The following A1CF variants were observed in gnomAD, a reference collection of about 807,000 sequenced individuals.
A1CF encodes APOBEC1 complementation factor.
A1CF carries 48 observed loss-of-function variants against 68.9 expected under a neutral mutation model. That is an observed-to-expected ratio of 0.70 (90% confidence interval 0.55 to 0.89). The LOEUF is 0.89. A1CF is among the 40% of genes least tolerant of loss of function. A1CF has a pLI of 0.00. For missense variants in A1CF, 653 were observed against 718.9 expected, an observed-to-expected ratio of 0.91 and a Z score of 1.05; for synonymous variants, 272 against 260.4, an observed-to-expected ratio of 1.04 and a Z score of -0.43.
Position 50,876,598 on chromosome 10 carries a change from G to A in A1CF, c.-94+8983C>T, listed in dbSNP as rs187771826. On this transcript the variant is annotated intron_variant, in intron 1 of 12. Transcript: ENST00000373997. ...GGGACATTGGCCTTTCCTGATCTTC[G>A]GACTTGAAATATTGGCTCTTCTTGC... Among the ~76,000 whole-genome samples the A allele has an allele frequency of 9.2e-5, 14 of 152,242 alleles. No homozygotes were observed. The East Asian group carries it at 2.7e-3, about 29-fold the overall frequency.
At chr10:50,876,539 G>T (rs1159026026) in intron 1 of A1CF, among the ~76,000 whole-genome samples, 1 of 152,218 alleles carries the variant, frequency 6.6e-6, no homozygotes, top group African/African-American at 2.4e-5. Context: ...CATAAAAGCT[G>T]AGTAAGAGGG....
chr10:50,876,870 G>A (rs916592274), intron 1 of A1CF, among the ~76,000 whole-genome samples: 1 of 152,084 alleles, frequency 6.6e-6, no homozygotes, highest in Non-Finnish European at 1.5e-5. Context: ...TTTGTTTTAT[G>A]CATTTATAAA....
intron 1 of A1CF, among the ~76,000 whole-genome samples, chr10:50,869,484 T>C (rs1255580090): frequency 6.6e-6 from 1 of 152,164 alleles, no homozygotes; most frequent in African/African-American, 2.4e-5. Flanking sequence ...TACTAATGGA[T>C]CCAGTTATTT....
intron 3 of A1CF, among the ~76,000 whole-genome samples, chr10:50,851,721 G>T (rs1293237625): frequency 6.6e-6 from 1 of 152,204 alleles, no homozygotes; most frequent in Admixed American, 6.5e-5. Flanking sequence ...TCACCTGGAA[G>T]CCTGAGAGAG....
chr10:50,842,451 A>G (rs1233856671), intron 4 of A1CF, among the ~76,000 whole-genome samples: 3 of 152,222 alleles, frequency 2.0e-5, no homozygotes, highest in Non-Finnish European at 2.9e-5. Context: ...AGTCTACAAA[A>G]AATACAAAAA....
At chr10:50,834,394 C>T (rs988693692) in intron 6 of A1CF, among the ~76,000 whole-genome samples, 16 of 152,058 alleles carry the variant, frequency 1.1e-4, no homozygotes, top group African/African-American at 2.7e-4. Context: ...TCACAAGTGA[C>T]GGAGGGGCAG....
In A1CF at chr10:50,878,297, A is replaced by G. The variant is rs1841610597; in HGVS notation, c.-94+7284T>C. Among the ~76,000 whole-genome samples, 3 of 152,218 alleles carry G rather than the reference A, an allele frequency of 2.0e-5. No individual in the cohort carries two copies. In the South Asian group the frequency reaches 6.2e-4, roughly 31 times the overall value. ...GCCTCTTTCTCATCTATTTTCCTCT[A>G]GTAAAGCATTTTGTAATCAACACAG... On this transcript the variant is annotated intron_variant, in intron 1 of 12. Transcript: ENST00000373997.
rs1185223417 is a variant in A1CF, at chr10:50,805,642, A to G, written c.*1087T>C. ...CTGATACTTACTGAAACAAAAAGGAAGGAAAGTTAGAGGATTTCCTGGCAG... is the reference window on the plus strand; with the variant it reads ...CTGATACTTACTGAAACAAAAAGGAGGGAAAGTTAGAGGATTTCCTGGCAG... On this transcript the variant is annotated 3_prime_UTR_variant, in exon 13 of 13. Coordinates refer to ENST00000373997, the MANE Select transcript of A1CF (RefSeq NM_014576.4). 6.6e-6 allele frequency: 1 copy of G among 152,260 alleles called. No homozygotes were observed. The highest frequency in any genetic ancestry group is 1.5e-5 in the Non-Finnish European group (1 of 68,046). The allele number at this position is 152,260 out of a possible 1,614,324, so 9.4% of individuals were successfully genotyped here.
intron 11 of A1CF, among the ~76,000 whole-genome samples, chr10:50,810,807 G>A (rs995421723): frequency 6.6e-6 from 1 of 152,186 alleles, no homozygotes; most frequent in African/African-American, 2.4e-5. Flanking sequence ...ACTACTGACT[G>A]TTATCCACTG....
chr10:50,817,363 G>A (rs1838421781), intron 8 of A1CF, among the ~76,000 whole-genome samples: 1 of 152,164 alleles, frequency 6.6e-6, no homozygotes, highest in African/African-American at 2.4e-5. Flanking sequence ...GATTTCAACA[G>A]TGACTCAGTG....
At chr10:50,809,143 G>A (rs546357302) in intron 12 of A1CF, among the ~76,000 whole-genome samples, 115 of 152,150 alleles carry the variant, frequency 7.6e-4, no homozygotes, top group Non-Finnish European at 9.6e-4. Context: ...TAACAAATGG[G>A]GACAAATCTT....
chr10:50,848,520 A>C (rs201126044), intron 3 of A1CF, among the ~76,000 whole-genome samples: 1 of 152,308 alleles, frequency 6.6e-6, no homozygotes, highest in East Asian at 1.9e-4. Context: ...TGTTTCCCAT[A>C]AATGAGCCCA....
chr10:50,810,705 T>A (rs1588962884), intron 11 of A1CF, among the ~76,000 whole-genome samples: 2 of 152,154 alleles, frequency 1.3e-5, no homozygotes, highest in Non-Finnish European at 2.9e-5. Flanking sequence ...AGAGACGGGG[T>A]TTCACCATGT....
At chr10:50,812,137 T>G (rs1838144883) in intron 10 of A1CF, among the ~76,000 whole-genome samples, 2 of 152,242 alleles carry the variant, frequency 1.3e-5, no homozygotes, top group Non-Finnish European at 2.9e-5. Flanking sequence ...GGATCTCTTG[T>G]AATCCTCAGA....
At chr10:50,867,231 A>G (rs553717062) in intron 1 of A1CF, among the ~76,000 whole-genome samples, 6 of 152,290 alleles carry the variant, frequency 3.9e-5, no homozygotes, top group African/African-American at 1.4e-4. Context: ...ATATGTTTAT[A>G]GCAGCAATAT....
chr10:50,831,803 G>A (rs989272548), intron 6 of A1CF, among the ~76,000 whole-genome samples: 5 of 152,046 alleles, frequency 3.3e-5, no homozygotes, highest in Admixed American at 3.3e-4. Context: ...ATCGCCAACA[G>A]GTATATGAAA....
At chr10:50,850,412 C>CT (rs1446147220) in intron 3 of A1CF, among the ~76,000 whole-genome samples, 1 of 152,064 alleles carries the variant, frequency 6.6e-6, no homozygotes, top group Non-Finnish European at 1.5e-5. Flanking sequence ...AGCAAATAGG[C>CT]TTTTTTAAAT....
chr10:50,877,318 T>C (rs952139716), intron 1 of A1CF, among the ~76,000 whole-genome samples: 5 of 152,224 alleles, frequency 3.3e-5, no homozygotes, highest in African/African-American at 1.2e-4. Flanking sequence ...TTTCATTCAT[T>C]CATACTTCTA....
chr10:50,874,627 A>G (rs1841423708), intron 1 of A1CF, among the ~76,000 whole-genome samples: 1 of 152,168 alleles, frequency 6.6e-6, no homozygotes, highest in African/African-American at 2.4e-5. Context: ...CCTCTTTTTT[A>G]TCCCATGCCC....
Sources: gnomAD v4.1 joint callset for allele counts (sites outside exome capture counted in the v4.1 genomes callset) on GRCh38, gnomAD v4.1.1 for gene constraint, MANE v1.5 for transcripts, NCBI Gene and HGNC (gene_info 2026-07-23, HGNC 2026-07-21) for gene names.